Variants in BCAM observed in about 807,000 individuals in gnomAD.
BCAM encodes basal cell adhesion molecule (Lutheran blood group), also known as basal cell adhesion molecule.
Under a neutral mutation model 72.4 loss-of-function variants are expected in BCAM, and 61 were observed. That is an observed-to-expected ratio of 0.84 (90% confidence interval 0.69 to 1.04). The LOEUF (loss-of-function observed/expected upper bound fraction) is 1.04. Ranked by LOEUF, BCAM falls within the 50% of genes least tolerant of loss-of-function variation. BCAM has a pLI of 0.00. For missense variants in BCAM, 909 were observed against 895.0 expected (o/e 1.02, Z -0.20); for synonymous variants, 408 against 384.2 (o/e 1.06, Z -0.73).
chr19:44,810,234 C>T (rs528695617), intron 1 of BCAM, among the ~76,000 whole-genome samples: 1 of 152,282 alleles, frequency 6.6e-6, no homozygotes, highest in South Asian at 2.1e-4. Context: ...CTCCTCTTCC[C>T]TCTGATCCCA....
In BCAM at chr19:44,814,015, C is replaced by T; in HGVS notation, c.785-137C>T. 1.7e-6 allele frequency: 2 copies of T among 1,148,072 alleles called. No individual in the cohort carries two copies. The highest frequency in any genetic ancestry group is 2.4e-6 in the Non-Finnish European group (2 of 826,762). 71.1% of individuals were successfully genotyped at this position (1,148,072 alleles called of 1,614,324 possible). Reference sequence around the variant, plus strand: ...TCTGGCACTCAGAATAATTGTGAACCTGAGGCTTGAAACCTATGACCCGTA... The same window carrying T: ...TCTGGCACTCAGAATAATTGTGAACTTGAGGCTTGAAACCTATGACCCGTA... On this transcript the variant is annotated intron_variant, in intron 6 of 14. Coordinates refer to ENST00000270233, the MANE Select transcript of BCAM (RefSeq NM_005581.5). The surrounding 1 kb of genome is among the most constrained non-coding windows in gnomAD (Gnocchi z 4.6).
intron 1 of BCAM, among the ~76,000 whole-genome samples, chr19:44,810,218 C>T (rs897166373): frequency 6.6e-6 from 1 of 152,122 alleles, no homozygotes; most frequent in Non-Finnish European, 1.5e-5. Context: ...TCCACCAGGC[C>T]CCAGCCTCCT....
Position 44,812,101 on chromosome 19 carries a change from G to A in BCAM, c.205-62G>A, listed in dbSNP as rs1442861578. 2 of 1,321,944 alleles carry A rather than the reference G, an allele frequency of 1.5e-6. No individual in the cohort carries two copies. Among genetic ancestry groups the A allele is most frequent in the Non-Finnish European group, 1.0e-6 (1 of 968,294 alleles). 81.9% of individuals were successfully genotyped at this position (1,321,944 alleles called of 1,614,324 possible). On this transcript the variant is annotated intron_variant, in intron 2 of 14. Coordinates refer to ENST00000270233, the MANE Select transcript of BCAM (RefSeq NM_005581.5). The surrounding 1 kb of genome is among the most constrained non-coding windows in gnomAD (Gnocchi z 5.3). ...AGGAGCTGCAGAGAGAAAGGACCCA[G>A]AGAGAGAGAGACTGAGGAGCGCTGG... is the stretch of plus-strand genomic sequence containing the variant.
In BCAM at chr19:44,818,587, G is replaced by A. The variant is rs200516188; in HGVS notation, c.1144G>A (p.Val382Met). 336 of 1,613,930 alleles carry A rather than the reference G, an allele frequency of 2.1e-4. No individual in the cohort carries two copies. The highest frequency in any genetic ancestry group is 2.7e-4 in the Non-Finnish European group (313 of 1,179,980). The change falls in exon 9 of 15, where the codon GTG (valine) becomes ATG (methionine). Residue 382 changes from valine to methionine, a missense_variant. Val to Met is a conservative substitution (Grantham distance 21, BLOSUM62 1). Coordinates refer to ENST00000270233, the MANE Select transcript of BCAM (RefSeq NM_005581.5). The surrounding 1 kb of genome is among the most constrained non-coding windows in gnomAD (Gnocchi z 4.6). ...LSLPLNSSAV[V>M]NCSVHGLPTP... ...CTTACCTCTAAACAGCAGTGCAGTC[G>A]TGAACTGCTCCGTGCACGGCCTGCC...
In BCAM at chr19:44,812,054, C is replaced by T; in HGVS notation, c.205-109C>T. On this transcript the variant is annotated intron_variant, in intron 2 of 14. Transcript: ENST00000270233. The surrounding 1 kb of genome is among the most constrained non-coding windows in gnomAD (Gnocchi z 5.3). ...ACAGAGGGACCAGGGAGACCCATAA[C>T]AAGAGGAAAAGAGGCAGAGCCAGGA... 2 of 1,083,972 alleles carry T rather than the reference C, an allele frequency of 1.8e-6. No individual in the cohort carries two copies. The highest frequency in any genetic ancestry group is 1.4e-5 in the South Asian group (1 of 70,136). 67.1% of individuals were successfully genotyped at this position (1,083,972 alleles called of 1,614,324 possible). A position where few individuals can be genotyped will look rare whatever the true frequency, so the allele number is the denominator to read the frequency against.
In BCAM at chr19:44,814,904, G is replaced by GT; in HGVS notation, c.1078+144_1078+145insT. The GT allele has an allele frequency of 1.3e-5, 13 of 964,198 alleles. No individual in the cohort carries two copies. Among genetic ancestry groups the GT allele is most frequent in the Non-Finnish European group, 1.7e-5 (12 of 725,896 alleles). 59.7% of individuals were successfully genotyped at this position (964,198 alleles called of 1,614,324 possible). On this transcript the variant is annotated intron_variant, in intron 8 of 14. Coordinates refer to ENST00000270233, the MANE Select transcript of BCAM (RefSeq NM_005581.5). The surrounding 1 kb of genome is among the most constrained non-coding windows in gnomAD (Gnocchi z 4.6). ...CTCTGCATTTCTTGGGGGTTTTTTTGGTTGTTTTTTTTTTTTTTTTTTTCC... is the reference window on the plus strand; with the variant it reads ...CTCTGCATTTCTTGGGGGTTTTTTTGTGTTGTTTTTTTTTTTTTTTTTTTCC...
In BCAM at chr19:44,821,177, T is replaced by C; in HGVS notation, c.*256T>C. 4.4e-6 allele frequency: 2 copies of C among 459,114 alleles called. No individual in the cohort carries two copies. The highest frequency in any genetic ancestry group is 7.4e-6 in the Non-Finnish European group (2 of 268,734). The allele number at this position is 459,114 out of a possible 1,614,324, so 28.4% of individuals were successfully genotyped here. A position where few individuals can be genotyped will look rare whatever the true frequency, so the allele number is the denominator to read the frequency against. Reference sequence around the variant, plus strand: ...TGACTCTCCCAGGCCCCAGAATAGCTCCTGGACCCAAGCCCAAGGCCCAGC... The same window carrying C: ...TGACTCTCCCAGGCCCCAGAATAGCCCCTGGACCCAAGCCCAAGGCCCAGC... On this transcript the variant is annotated 3_prime_UTR_variant, in exon 15 of 15. Coordinates refer to ENST00000270233, the MANE Select transcript of BCAM (RefSeq NM_005581.5).
Position 44,813,139 on chromosome 19 carries a change from C to T in BCAM, c.505-111C>T, listed in dbSNP as rs531335054. 20 of 1,235,466 alleles carry T rather than the reference C, an allele frequency of 1.6e-5. No individual in the cohort carries two copies. In the East Asian group the frequency reaches 2.9e-4, roughly 18 times the overall value. The allele number at this position is 1,235,466 out of a possible 1,614,324, so 76.5% of individuals were successfully genotyped here. A position where few individuals can be genotyped will look rare whatever the true frequency, so the allele number is the denominator to read the frequency against. On this transcript the variant is annotated intron_variant, in intron 4 of 14. Coordinates refer to ENST00000270233, the MANE Select transcript of BCAM (RefSeq NM_005581.5). The surrounding 1 kb of genome is among the most constrained non-coding windows in gnomAD (Gnocchi z 4.2). Reference sequence around the variant, plus strand: ...TTGGACTCCTGGGTCCTGGGAGAGTCGGGAGTTAGGAGCCCGGCTCATGAG... The same window carrying T: ...TTGGACTCCTGGGTCCTGGGAGAGTTGGGAGTTAGGAGCCCGGCTCATGAG...
At position 44,813,137 on chromosome 19, in the gene BCAM, G is replaced by C. The variant is rs1307070809; in HGVS notation, c.505-113G>C. 8.2e-7 allele frequency: 1 copy of C among 1,218,408 alleles called. No individual in the cohort carries two copies. Among genetic ancestry groups the C allele is most frequent in the Non-Finnish European group, 1.2e-6 (1 of 861,808 alleles). The allele number at this position is 1,218,408 out of a possible 1,614,324, so 75.5% of individuals were successfully genotyped here. A position where few individuals can be genotyped will look rare whatever the true frequency, so the allele number is the denominator to read the frequency against. ...ATTTGGACTCCTGGGTCCTGGGAGA[G>C]TCGGGAGTTAGGAGCCCGGCTCATG... On this transcript the variant is annotated intron_variant, in intron 4 of 14. Transcript: ENST00000270233. The surrounding 1 kb of genome is among the most constrained non-coding windows in gnomAD (Gnocchi z 4.2).
In BCAM at chr19:44,812,214, T is replaced by C; in HGVS notation, c.256T>C (p.Ser86Pro). ...PRLASAEMQG[S>P]ELQVTMHDTR... ...CCTAGCCTCGGCTGAGATGCAGGGC[T>C]CTGAGCTCCAGGTCACAATGCACGA... The change falls in exon 3 of 15, where the codon TCT (serine) becomes CCT (proline). Residue 86 changes from serine (S) to proline (P), a missense_variant. Coordinates refer to ENST00000270233, the MANE Select transcript of BCAM (RefSeq NM_005581.5). This position sits in a 1 kb window ranked among gnomAD's most constrained non-coding sequence, Gnocchi z 5.3. 6.2e-7 allele frequency: 1 copy of C among 1,607,248 alleles called. No homozygotes were observed. Among genetic ancestry groups the C allele is most frequent in the Non-Finnish European group, 8.5e-7 (1 of 1,178,170 alleles).
Position 44,814,909 on chromosome 19 carries a change from T to C in BCAM, c.1078+149T>C. On this transcript the variant is annotated intron_variant, in intron 8 of 14. Transcript: ENST00000270233. This position sits in a 1 kb window ranked among gnomAD's most constrained non-coding sequence, Gnocchi z 4.6. ...CATTTCTTGGGGGTTTTTTTGGTTG[T>C]TTTTTTTTTTTTTTTTTTCCCAGAG... The C allele has an allele frequency of 3.8e-6, 1 of 260,838 alleles. No homozygotes were observed. The highest frequency in any genetic ancestry group is 5.9e-6 in the Non-Finnish European group (1 of 169,370). 16.2% of individuals were successfully genotyped at this position (260,838 alleles called of 1,614,324 possible).
In BCAM at chr19:44,819,622, C is replaced by T. The variant is rs751271346; in HGVS notation, c.1659C>T (p.Ala553=). Residue 553 remains alanine, a synonymous_variant, in exon 13 of 15, where the codon GCC becomes GCT. Transcript: ENST00000270233. Reference sequence around the variant, plus strand: ...CCCAGGCTGGAGTGGCCGTCATGGCCGTGGCCGTCAGCGTGGGCCTCCTGC... The same window carrying T: ...CCCAGGCTGGAGTGGCCGTCATGGCTGTGGCCGTCAGCGTGGGCCTCCTGC... ...QTSQAGVAVM[A]VAVSVGLLLL... The T allele has an allele frequency of 5.0e-6, 8 of 1,613,392 alleles. No homozygotes were observed. Among genetic ancestry groups the T allele is most frequent in the Admixed American group, 1.7e-5 (1 of 59,964 alleles).
chr19:44,814,584 C>G lies in BCAM; in HGVS notation c.922-20C>G. 2 of 1,607,520 alleles carry G rather than the reference C, an allele frequency of 1.2e-6. No homozygotes were observed. The highest frequency in any genetic ancestry group is 1.3e-5 in the African/African-American group (1 of 74,966). ...ACCGGGGTGGCTTCTGAGCCTGGTT[C>G]CTCGTCCCCCGTCTCCCAGGATGAG... On this transcript the variant is annotated intron_variant, in intron 7 of 14. Coordinates refer to ENST00000270233, the MANE Select transcript of BCAM (RefSeq NM_005581.5). This position sits in a 1 kb window ranked among gnomAD's most constrained non-coding sequence, Gnocchi z 4.6.
chr19:44,814,252 C>T lies in BCAM; in HGVS notation c.885C>T (p.Gly295=). The change falls in exon 7 of 15, where the codon GGC becomes GGT. Residue 295 remains glycine, a synonymous_variant. Coordinates refer to ENST00000270233, the MANE Select transcript of BCAM (RefSeq NM_005581.5). This position sits in a 1 kb window ranked among gnomAD's most constrained non-coding sequence, Gnocchi z 4.6. ...DTVQLLCRGD[G]SPSPEYTLFR... ...TCCAGCTGCTCTGCCGGGGGGACGG[C>T]AGCCCCAGCCCGGAGTATACGCTTT... 1 of 1,590,420 alleles carries T rather than the reference C, an allele frequency of 6.3e-7. No homozygotes were observed.
In BCAM at chr19:44,814,433, A is replaced by G. The variant is rs1599885864; in HGVS notation, c.921+145A>G. On this transcript the variant is annotated intron_variant, in intron 7 of 14. Transcript: ENST00000270233. The surrounding 1 kb of genome is among the most constrained non-coding windows in gnomAD (Gnocchi z 4.6). The stretch of plus-strand genomic sequence containing the variant: ...ATCTGGTGGCCCACGAACTAAAAGG[A>G]CCTCTGACCCCTGATTTGAGAGAGT... 1 of 1,411,920 alleles carries G rather than the reference A, an allele frequency of 7.1e-7. No individual in the cohort carries two copies. Among genetic ancestry groups the G allele is most frequent in the East Asian group, 2.4e-5 (1 of 41,012 alleles). The allele number at this position is 1,411,920 out of a possible 1,614,324, so 87.5% of individuals were successfully genotyped here. A position where few individuals can be genotyped will look rare whatever the true frequency, so the allele number is the denominator to read the frequency against.
rs1491451830 is a variant in BCAM at position 44,812,948 on chromosome 19, TCA to T, written c.505-301_505-300del. 2 of 309,848 alleles carry T rather than the reference TCA, an allele frequency of 6.5e-6. No homozygotes were observed. The highest frequency in any genetic ancestry group is 1.1e-5 in the Non-Finnish European group (2 of 182,194). 19.2% of individuals were successfully genotyped at this position (309,848 alleles called of 1,614,324 possible). A position where few individuals can be genotyped will look rare whatever the true frequency, so the allele number is the denominator to read the frequency against. ...CTGGGCCACAGAGCAATACTCCGTC[TCA>T]AAAAAAAAAAAAAAAAGAAGAAGAA... On this transcript the variant is annotated intron_variant, in intron 4 of 14. Coordinates refer to ENST00000270233, the MANE Select transcript of BCAM (RefSeq NM_005581.5). This position sits in a 1 kb window ranked among gnomAD's most constrained non-coding sequence, Gnocchi z 5.3.
At chr19:44,811,924 G>A in intron 2 of BCAM, 1 of 567,784 alleles carries the variant, frequency 1.8e-6, no homozygotes, top group Non-Finnish European at 3.1e-6. Context: ...ATCGGGAGAG[G>A]GAGAGACCAA....
chr19:44,814,192 C>T lies in BCAM; in HGVS notation c.825C>T (p.Ser275=). 1 of 1,582,114 alleles carries T rather than the reference C, an allele frequency of 6.3e-7. No homozygotes were observed. ...EHVQFWVGSP[S]TPAGWVREGD... ...TGCAGTTCTGGGTGGGCAGCCCGTCCACCCCAGCAGGCTGGGTACGCGAGG... is the reference window on the plus strand; with the variant it reads ...TGCAGTTCTGGGTGGGCAGCCCGTCTACCCCAGCAGGCTGGGTACGCGAGG... The change falls in exon 7 of 15, where the codon TCC becomes TCT. Residue 275 remains serine, a synonymous_variant. Coordinates refer to ENST00000270233, the MANE Select transcript of BCAM (RefSeq NM_005581.5). The surrounding 1 kb of genome is among the most constrained non-coding windows in gnomAD (Gnocchi z 4.6).
rs770541247 is a variant in BCAM, at chr19:44,814,708, C to G, written c.1026C>G (p.Tyr342Ter). 6.2e-7 allele frequency: 1 copy of G among 1,613,900 alleles called. No individual in the cohort carries two copies. Among genetic ancestry groups the G allele is most frequent in the Non-Finnish European group, 8.5e-7 (1 of 1,180,008 alleles). Residue 342 changes from tyrosine to a stop codon, truncating the protein, a stop_gained, in exon 8 of 15, where the codon TAC (tyrosine) becomes TAG (stop). Transcript: ENST00000270233. LOFTEE classifies it high-confidence loss of function. The surrounding 1 kb of genome is among the most constrained non-coding windows in gnomAD (Gnocchi z 4.6). ...SGTYGCRVED[Y>*]DAADDVQLSK... ...CCTATGGCTGCAGAGTGGAGGATTA[C>G]GACGCGGCAGATGACGTGCAGCTCT...
Sources: allele counts gnomAD v4.1 joint callset (sites outside exome capture counted in the v4.1 genomes callset), GRCh38; gene constraint gnomAD v4.1.1; non-coding constraint Gnocchi (gnomAD v3.1); transcripts MANE v1.5; gene names NCBI Gene and HGNC (gene_info 2026-07-23, HGNC 2026-07-21).